The following FHIT variants were observed in gnomAD, a reference collection of about 807,000 sequenced individuals.
FHIT encodes bis(5'-adenosyl)-triphosphatase.
Under a neutral mutation model 17.9 loss-of-function variants are expected in FHIT, and 19 were observed. The ratio of observed to expected loss-of-function variants is 1.06; its 90% CI spans 0.74 to 1.56. The LOEUF is 1.56. Ranked by LOEUF, FHIT falls within the 40% of genes most tolerant of loss-of-function variation. The pLI is 0.00. For missense variants in FHIT, 248 were observed against 189.2 expected, an observed-to-expected ratio of 1.31 and a Z score of -1.82; for synonymous variants, 81 against 69.7, an observed-to-expected ratio of 1.16 and a Z score of -0.81.
At chr3:61,229,562 C>T (rs2040049551) in intron 1 of FHIT, among the ~76,000 whole-genome samples, 1 of 152,138 alleles carries the variant, frequency 6.6e-6, no homozygotes, top group Non-Finnish European at 1.5e-5. Flanking sequence ...AGCTGTGTTA[C>T]CCATTGCTAA....
intron 5 of FHIT, among the ~76,000 whole-genome samples, chr3:60,417,046 A>G (rs1458380704): frequency 2.0e-5 from 3 of 151,184 alleles, no homozygotes; most frequent in Admixed American, 6.6e-5. Flanking sequence ...CCGAGATCGC[A>G]CCACTGCACT....
At chr3:60,212,676 T>C (rs1559732254) in intron 5 of FHIT, among the ~76,000 whole-genome samples, 1 of 152,172 alleles carries the variant, frequency 6.6e-6, no homozygotes. Flanking sequence ...AGGAATATTA[T>C]TTAGTTTGGG....
intron 5 of FHIT, among the ~76,000 whole-genome samples, chr3:60,213,583 A>G (rs1426146272): frequency 6.6e-6 from 1 of 152,074 alleles, no homozygotes; most frequent in African/African-American, 2.4e-5. Flanking sequence ...TTTTCCCACT[A>G]TCCTTCCAAT....
chr3:59,751,232 T>TTTTCTCTCTCTC (rs1015367877), intron 9 of FHIT: 6 of 175,902 alleles, frequency 3.4e-5, no homozygotes, highest in African/African-American at 1.4e-4. Flanking sequence ...ATAGATACAT[T>TTTTCTCTCTCTC]TCTCTCTCTC....
intron 5 of FHIT, among the ~76,000 whole-genome samples, chr3:60,522,624 C>A (rs541392833): frequency 6.6e-6 from 1 of 152,216 alleles, no homozygotes; most frequent in East Asian, 1.9e-4. Flanking sequence ...AGACTCAGAA[C>A]ATATTTTTGA....
Position 60,865,769 on chromosome 3 carries a change from G to T in FHIT, c.-110-43758C>A, listed in dbSNP as rs190591766. ...AATGGGGGGCTGTGACAAGGCTGAAGCAAAGAGAGGGCACAACATCTTTTC... is the reference window on the plus strand; with the variant it reads ...AATGGGGGGCTGTGACAAGGCTGAATCAAAGAGAGGGCACAACATCTTTTC... On this transcript the variant is annotated intron_variant, in intron 3 of 9. Transcript: ENST00000492590. Among the ~76,000 whole-genome samples the T allele has an allele frequency of 1.3e-3, 195 of 152,240 alleles. 1 individual carries two copies. The highest frequency in any genetic ancestry group is 4.6e-3 in the African/African-American group (190 of 41,542).
At chr3:60,150,319 T>C (rs896280908) in intron 5 of FHIT, among the ~76,000 whole-genome samples, 1 of 151,984 alleles carries the variant, frequency 6.6e-6, no homozygotes, top group Admixed American at 6.6e-5. Context: ...TTTAATGGGA[T>C]GTTAGGAATA....
chr3:59,923,249 A>T (rs912490716), intron 7 of FHIT, among the ~76,000 whole-genome samples: 4 of 134,940 alleles, frequency 3.0e-5, no homozygotes, highest in Admixed American at 7.7e-5. Context: ...AAAAAAAAAA[A>T]AAATCCCGTG....
At chr3:61,202,819 A>T (rs2039070214) in intron 1 of FHIT, among the ~76,000 whole-genome samples, 1 of 152,164 alleles carries the variant, frequency 6.6e-6, no homozygotes, top group Non-Finnish European at 1.5e-5. Context: ...TGGGACACCA[A>T]GGCAGGCAGA....
intron 3 of FHIT, among the ~76,000 whole-genome samples, chr3:60,998,890 G>GT (rs1319837281): frequency 6.6e-6 from 1 of 150,388 alleles, no homozygotes; most frequent in African/African-American, 2.4e-5. Context: ...AGGTAGCGAA[G>GT]TCTAAATGAA....
At chr3:60,939,621 T>C (rs1416969242) in intron 3 of FHIT, among the ~76,000 whole-genome samples, 1 of 152,224 alleles carries the variant, frequency 6.6e-6, no homozygotes, top group African/African-American at 2.4e-5. Flanking sequence ...AACTTCACTA[T>C]CATTAGAATA....
In FHIT at chr3:60,136,862, G is replaced by GT. The variant is rs539186109; in HGVS notation, c.104-122711dup. 2.4e-3 allele frequency among the ~76,000 whole-genome samples: 341 copies of GT among 144,756 alleles called. 2 individuals are homozygous for GT. The highest frequency in any genetic ancestry group is 8.4e-3 in the African/African-American group (298 of 35,360). The allele number at this position is 144,756 out of a possible 152,430, so 95.0% of individuals were successfully genotyped here. On this transcript the variant is annotated intron_variant, in intron 5 of 9. Transcript: ENST00000492590. ...AAACATGCCCTATGGATTAGTAACAGTCTGATACTAGAAAAAAGGAAGCTC... is the reference window on the plus strand; with the variant it reads ...AAACATGCCCTATGGATTAGTAACAGTTCTGATACTAGAAAAAAGGAAGCTC...
chr3:60,078,104 T>A (rs1367031461), intron 5 of FHIT, among the ~76,000 whole-genome samples: 2 of 152,136 alleles, frequency 1.3e-5, no homozygotes, highest in Non-Finnish European at 2.9e-5. Flanking sequence ...AAGTAACTGT[T>A]TCAGGTAAGA....
At chr3:59,780,361 C>CA (rs2106876430) in intron 8 of FHIT, among the ~76,000 whole-genome samples, 1 of 152,332 alleles carries the variant, frequency 6.6e-6, no homozygotes, top group Non-Finnish European at 1.5e-5. Flanking sequence ...CAGTGGATTA[C>CA]AGTGAACAGT....
intron 5 of FHIT, among the ~76,000 whole-genome samples, chr3:60,295,162 A>G (rs1708152271): frequency 6.6e-6 from 1 of 152,048 alleles, no homozygotes; most frequent in Non-Finnish European, 1.5e-5. Flanking sequence ...AGGTGAAAAG[A>G]TCTGTTGAGC....
intron 3 of FHIT, among the ~76,000 whole-genome samples, chr3:61,035,018 G>A (rs2033175173): frequency 6.6e-6 from 1 of 152,112 alleles, no homozygotes; most frequent in Non-Finnish European, 1.5e-5. Context: ...TTGAAAACAT[G>A]CCAAGTGAAA....
chr3:60,411,688 G>C (rs866492149), intron 5 of FHIT, among the ~76,000 whole-genome samples: 1 of 152,128 alleles, frequency 6.6e-6, no homozygotes, highest in South Asian at 2.1e-4. Flanking sequence ...TTTAGATTAG[G>C]TCACAAAAAA....
At chr3:60,174,296 T>C (rs1576252111) in intron 5 of FHIT, among the ~76,000 whole-genome samples, 1 of 152,000 alleles carries the variant, frequency 6.6e-6, no homozygotes, top group African/African-American at 2.4e-5. Flanking sequence ...TGTCCTTGGG[T>C]AAGGGACCCA....
At chr3:59,777,249 C>T (rs1052779712) in intron 8 of FHIT, among the ~76,000 whole-genome samples, 2 of 152,178 alleles carry the variant, frequency 1.3e-5, no homozygotes, top group Non-Finnish European at 1.5e-5. Flanking sequence ...TAAATACTAT[C>T]TCCTATGACT....
Sources: allele counts gnomAD v4.1 joint callset (sites outside exome capture counted in the v4.1 genomes callset), GRCh38; gene constraint gnomAD v4.1.1; transcripts MANE v1.5; gene names NCBI Gene and HGNC (gene_info 2026-07-23, HGNC 2026-07-21).